CPA6: variants seen among roughly 807,000 people sequenced by gnomAD.
CPA6 encodes carboxypeptidase B.
Under a neutral mutation model 63.3 loss-of-function variants are expected in CPA6, and 58 were observed. That is an observed-to-expected ratio of 0.92 (90% CI 0.74 to 1.14). The LOEUF is 1.14. Among genes scored for constraint, CPA6 ranks in the 50% most tolerant of loss-of-function variants. The pLI, the probability that CPA6 is intolerant of heterozygous loss-of-function variation, is 0.00. For missense variants in CPA6, 565 were observed against 526.6 expected, an observed-to-expected ratio of 1.07 and a Z score of -0.71; for synonymous variants, 185 against 179.0, an observed-to-expected ratio of 1.03 and a Z score of -0.27.
intron 6 of CPA6, among the ~76,000 whole-genome samples, chr8:67,504,765 G>A (rs533552945): frequency 6.6e-6 from 1 of 152,262 alleles, no homozygotes; most frequent in African/African-American, 2.4e-5. Context: ...GGCTCAGACA[G>A]AAAATGGAGT....
At chr8:67,430,538 T>C (rs76265211) in intron 9 of CPA6, among the ~76,000 whole-genome samples, 2,569 of 152,330 alleles carry the variant, frequency 0.017, 74 homozygotes, top group African/African-American at 0.059. Context: ...TACATATTGA[T>C]GGAATGTTTT....
At chr8:67,562,106 G>A (rs1366334733) in intron 2 of CPA6, among the ~76,000 whole-genome samples, 1 of 152,190 alleles carries the variant, frequency 6.6e-6, no homozygotes, top group Non-Finnish European at 1.5e-5. Context: ...ACTGTTCTGA[G>A]ATGTGGTCTT....
intron 1 of CPA6, among the ~76,000 whole-genome samples, chr8:67,669,141 A>G (rs750823421): frequency 1.3e-5 from 2 of 152,184 alleles, no homozygotes; most frequent in Non-Finnish European, 2.9e-5. Flanking sequence ...ACAAAGATCT[A>G]TTGTCAAAAT....
At chr8:67,680,490 A>T (rs1454026968) in intron 1 of CPA6, among the ~76,000 whole-genome samples, 14 of 80,594 alleles carry the variant, frequency 1.7e-4, no homozygotes, top group Admixed American at 3.3e-4. Context: ...CTCTGTATTT[A>T]AAAAAAAAAA....
chr8:67,628,096 C>T (rs1213034004), intron 1 of CPA6, among the ~76,000 whole-genome samples: 1 of 151,914 alleles, frequency 6.6e-6, no homozygotes, highest in Admixed American at 6.6e-5. Context: ...GCCTGTAGTC[C>T]CAGCTACTTA....
chr8:67,635,510 G>A (rs1815447921), intron 1 of CPA6, among the ~76,000 whole-genome samples: 1 of 151,760 alleles, frequency 6.6e-6, no homozygotes, highest in Non-Finnish European at 1.5e-5. Context: ...GCTCATGCCT[G>A]TAATCCCAGC....
chr8:67,598,693 T>C (rs555327657), intron 2 of CPA6, among the ~76,000 whole-genome samples: 1 of 152,268 alleles, frequency 6.6e-6, no homozygotes, highest in East Asian at 1.9e-4. Context: ...TGTTTTGATG[T>C]TTGGGATTCT....
At position 67,653,840 on chromosome 8, in the gene CPA6, C is replaced by T. The variant is rs1253541994; in HGVS notation, c.117-29589G>A. 7.2e-5 allele frequency among the ~76,000 whole-genome samples: 11 copies of T among 151,998 alleles called. No individual in the cohort carries two copies. The East Asian group carries it at 2.1e-3, about 29-fold the overall frequency. On this transcript the variant is annotated intron_variant, in intron 1 of 10. Transcript: ENST00000297770. Reference sequence around the variant, plus strand: ...GTGCCAGTTTTTAGAGGGAATGCTTCCAGTTTTTGCCCATTCAGTATGATA... The same window carrying T: ...GTGCCAGTTTTTAGAGGGAATGCTTTCAGTTTTTGCCCATTCAGTATGATA...
intron 2 of CPA6, among the ~76,000 whole-genome samples, chr8:67,595,668 G>C (rs1039218268): frequency 6.6e-6 from 1 of 152,208 alleles, no homozygotes; most frequent in Non-Finnish European, 1.5e-5. Flanking sequence ...AGACTCCGTG[G>C]GTGTAGGACC....
chr8:67,718,873 C>A (rs1211619753), intron 1 of CPA6, among the ~76,000 whole-genome samples: 2 of 152,190 alleles, frequency 1.3e-5, no homozygotes, highest in African/African-American at 4.8e-5. Flanking sequence ...TCTCAATCTC[C>A]TGACCTTGTG....
intron 1 of CPA6, among the ~76,000 whole-genome samples, chr8:67,663,237 TAAA>T (rs1816156333): frequency 1.3e-5 from 2 of 152,228 alleles, no homozygotes; most frequent in Non-Finnish European, 2.9e-5. Context: ...AAAGAGCTTT[TAAA>T]ATTTATAATG....
chr8:67,447,506 TACACACACACACACACACAC>T (rs56840320), intron 8 of CPA6, among the ~76,000 whole-genome samples: 3 of 142,552 alleles, frequency 2.1e-5, no homozygotes, highest in Non-Finnish European at 3.0e-5. Context: ...TATGTGTGTA[TACACACACACACACACACAC>T]ACACACACAC....
At chr8:67,461,849 G>A (rs1476128805) in intron 8 of CPA6, among the ~76,000 whole-genome samples, 5 of 152,200 alleles carry the variant, frequency 3.3e-5, no homozygotes, top group African/African-American at 1.2e-4. Flanking sequence ...CGGATGGGGC[G>A]CCTTTCTTTA....
intron 1 of CPA6, among the ~76,000 whole-genome samples, chr8:67,712,977 G>C (rs1052900172): frequency 4.0e-5 from 6 of 151,234 alleles, no homozygotes; most frequent in Non-Finnish European, 8.8e-5. Context: ...AAAGTGCAAA[G>C]AGTCATGATT....
intron 8 of CPA6, among the ~76,000 whole-genome samples, chr8:67,470,232 AT>A (rs1275456206): frequency 6.6e-6 from 1 of 151,802 alleles, no homozygotes; most frequent in Admixed American, 6.6e-5. Flanking sequence ...GTTTCCCCAT[AT>A]TGGTCAGGCT....
intron 2 of CPA6, among the ~76,000 whole-genome samples, chr8:67,614,140 G>A (rs1483436287): frequency 2.0e-5 from 3 of 152,206 alleles, no homozygotes; most frequent in African/African-American, 2.4e-5. Flanking sequence ...AGGGACCATT[G>A]AGCTGCAGAT....
chr8:67,686,604 G>A (rs117613160), intron 1 of CPA6, among the ~76,000 whole-genome samples: 5,769 of 152,286 alleles, frequency 0.038, 156 homozygotes, highest in Non-Finnish European at 0.056. Context: ...ACTTGCCTTA[G>A]TATGTGGGTT....
chr8:67,427,821 C>T (rs1159211371), intron 10 of CPA6, among the ~76,000 whole-genome samples: 1 of 152,174 alleles, frequency 6.6e-6, no homozygotes, highest in Non-Finnish European at 1.5e-5. Context: ...CGTTACTGCA[C>T]ACTTAGCATA....
intron 2 of CPA6, among the ~76,000 whole-genome samples, chr8:67,522,905 T>A (rs926795646): frequency 3.3e-5 from 5 of 152,174 alleles, no homozygotes; most frequent in Non-Finnish European, 7.4e-5. Context: ...GCGGCCTGAG[T>A]GAGACCTTGG....
Sources: gnomAD v4.1 joint callset for allele counts (sites outside exome capture counted in the v4.1 genomes callset) on GRCh38, gnomAD v4.1.1 for gene constraint, MANE v1.5 for transcripts, NCBI Gene and HGNC (gene_info 2026-07-23, HGNC 2026-07-21) for gene names.